Variants in SNX29 observed in about 807,000 individuals in gnomAD.
SNX29 encodes sorting nexin-29.
A neutral mutation model predicts 102.1 loss-of-function variants in SNX29; 78 were observed. The ratio of observed to expected loss-of-function variants is 0.76; its 90% CI spans 0.64 to 0.92. The LOEUF is 0.92. SNX29 is among the 40% of genes least tolerant of loss of function. The pLI is 0.00. For synonymous variants in SNX29, 580 were observed against 414.5 expected (o/e 1.40, Z -4.85); for missense variants, 1,280 against 1,061.7 (o/e 1.21, Z -2.86).
chr16:11,986,733 T>C (rs2055643864), intron 1 of SNX29, among the ~76,000 whole-genome samples: 1 of 152,210 alleles, frequency 6.6e-6, no homozygotes, highest in African/African-American at 2.4e-5. Context: ...AGGCGTTTCC[T>C]GTGAAGGGCC....
chr16:12,233,239 T>C (rs2077824175), intron 14 of SNX29, among the ~76,000 whole-genome samples: 1 of 152,156 alleles, frequency 6.6e-6, no homozygotes, highest in African/African-American at 2.4e-5. Context: ...ACATATACAC[T>C]ATGGGATACT....
chr16:12,415,133 C>A (rs1278953521), intron 18 of SNX29, among the ~76,000 whole-genome samples: 1 of 152,224 alleles, frequency 6.6e-6, no homozygotes, highest in Admixed American at 6.5e-5. Context: ...CAAGTCCGGG[C>A]AAAAATTCCA....
At chr16:12,554,118 A>G (rs951077936) in intron 20 of SNX29, among the ~76,000 whole-genome samples, 25 of 152,230 alleles carry the variant, frequency 1.6e-4, no homozygotes, top group African/African-American at 5.5e-4. Flanking sequence ...CTAAGCCACC[A>G]TGCCCAGCCT....
At chr16:11,977,010 G>A in intron 1 of SNX29, 197 bp downstream of exon 1, 1 of 609,936 alleles carries the variant, frequency 1.6e-6, no homozygotes, top group South Asian at 6.6e-5. Flanking sequence ...GATCTCCCGT[G>A]GCGGGGCACT....
intron 16 of SNX29, among the ~76,000 whole-genome samples, chr16:12,386,463 G>A (rs1597186301): frequency 6.6e-6 from 1 of 152,122 alleles, no homozygotes; most frequent in African/African-American, 2.4e-5. Context: ...GAGGCAATTC[G>A]CAATGTGAAC....
At chr16:12,013,024 G>A (rs1376452052) in intron 3 of SNX29, among the ~76,000 whole-genome samples, 1 of 151,782 alleles carries the variant, frequency 6.6e-6, no homozygotes, top group Admixed American at 6.6e-5. Context: ...GAGGAGTGGA[G>A]GTGGGTGGGG....
chr16:12,154,826 C>A (rs762479372), intron 13 of SNX29, among the ~76,000 whole-genome samples: 1 of 152,188 alleles, frequency 6.6e-6, no homozygotes, highest in Non-Finnish European at 1.5e-5. Context: ...TGAGGCTGCT[C>A]TCTGGGGCCT....
At chr16:12,200,299 G>A (rs1041336418) in intron 14 of SNX29, among the ~76,000 whole-genome samples, 2 of 152,118 alleles carry the variant, frequency 1.3e-5, no homozygotes, top group South Asian at 2.1e-4. Flanking sequence ...GCCAAATGAG[G>A]TGGGGCCATC....
chr16:12,170,226 G>A (rs1214566312), intron 13 of SNX29, among the ~76,000 whole-genome samples: 4 of 152,076 alleles, frequency 2.6e-5, no homozygotes, highest in Non-Finnish European at 4.4e-5. Context: ...ATCCTGTGGC[G>A]GAGGAGCCAT....
At chr16:12,565,307 C>CA (rs1258598398) in intron 20 of SNX29, among the ~76,000 whole-genome samples, 3 of 152,216 alleles carry the variant, frequency 2.0e-5, no homozygotes, top group African/African-American at 4.8e-5. Context: ...ACTCTCCATT[C>CA]AAGTCCACTG....
intron 3 of SNX29, among the ~76,000 whole-genome samples, chr16:12,025,096 G>A (rs141873984): frequency 6.6e-5 from 10 of 152,158 alleles, no homozygotes; most frequent in African/African-American, 2.2e-4. Context: ...GAGTTCAGGA[G>A]TTGGAGACCA....
intron 13 of SNX29, among the ~76,000 whole-genome samples, chr16:12,186,491 G>A (rs960760472): frequency 3.9e-5 from 6 of 152,124 alleles, no homozygotes; most frequent in Non-Finnish European, 8.8e-5. Flanking sequence ...TTCCTTACAC[G>A]ACCGCAGTGT....
intron 14 of SNX29, among the ~76,000 whole-genome samples, chr16:12,217,597 A>G (rs830728): frequency 0.72 from 109,859 of 152,100 alleles, 40,543 homozygotes; most frequent in African/African-American, 0.88. Flanking sequence ...GTGAAACAGG[A>G]TTGATCCTTC....
chr16:12,383,476 G>T (rs375379842), intron 16 of SNX29, among the ~76,000 whole-genome samples: 1 of 151,372 alleles, frequency 6.6e-6, no homozygotes, highest in Admixed American at 6.6e-5. Flanking sequence ...TCGCTCTCTT[G>T]CCCAGGCTGG....
At chr16:12,540,595 C>A (rs779049955) in intron 20 of SNX29, among the ~76,000 whole-genome samples, 1 of 151,786 alleles carries the variant, frequency 6.6e-6, no homozygotes, top group Non-Finnish European at 1.5e-5. Context: ...TACTCTGGGA[C>A]CCTGAGATTC....
intron 13 of SNX29, among the ~76,000 whole-genome samples, chr16:12,161,277 C>G (rs1438855979): frequency 1.3e-5 from 2 of 152,214 alleles, no homozygotes. Context: ...AGCCTTTTCC[C>G]TTTCCACTCT....
At chr16:12,419,134 A>G (rs966389590) in intron 18 of SNX29, among the ~76,000 whole-genome samples, 3 of 152,068 alleles carry the variant, frequency 2.0e-5, no homozygotes, top group Non-Finnish European at 2.9e-5. Flanking sequence ...CAACAGTGTA[A>G]GCATTGTTTA....
At chr16:12,484,425 G>C (rs370877363) in intron 19 of SNX29, among the ~76,000 whole-genome samples, 3 of 152,296 alleles carry the variant, frequency 2.0e-5, no homozygotes, top group East Asian at 3.9e-4. Flanking sequence ...GCTGTAGCAA[G>C]AGTGAGATTT....
At chr16:12,414,704 T>G (rs1029646420) in intron 18 of SNX29, among the ~76,000 whole-genome samples, 2 of 151,122 alleles carry the variant, frequency 1.3e-5, no homozygotes, top group Non-Finnish European at 2.9e-5. Context: ...GGGACGATTT[T>G]GTTTGTTTAT....
Sources: gnomAD v4.1 joint callset for allele counts (sites outside exome capture counted in the v4.1 genomes callset) on GRCh38, gnomAD v4.1.1 for gene constraint, MANE v1.5 for transcripts, NCBI Gene and HGNC (gene_info 2026-07-23, HGNC 2026-07-21) for gene names.